ESRRG: variants seen among roughly 807,000 people sequenced by gnomAD.
The protein encoded by ESRRG is estrogen-related receptor gamma.
ESRRG carries 13 observed loss-of-function variants against 44.0 expected under a neutral mutation model. That is an observed-to-expected ratio of 0.30 (90% CI 0.19 to 0.47). ESRRG has a LOEUF of 0.47. ESRRG is among the 20% of genes least tolerant of loss of function. The pLI is 1.00. For synonymous variants in ESRRG, 215 were observed against 214.6 expected (o/e 1.00, Z -0.02); for missense variants, 395 against 580.6 (o/e 0.68, Z 3.29).
At chr1:216,544,286 C>T (rs1055706234) in intron 5 of ESRRG, among the ~76,000 whole-genome samples, 1 of 152,016 alleles carries the variant, frequency 6.6e-6, no homozygotes, top group African/African-American at 2.4e-5. Context: ...AACTCCAAAA[C>T]ATGTTTTAAA....
chr1:216,696,199 C>T (rs2080126717), intron 1 of ESRRG, among the ~76,000 whole-genome samples: 2 of 152,144 alleles, frequency 1.3e-5, no homozygotes, highest in Non-Finnish European at 2.9e-5. Context: ...GTGTTATCTC[C>T]ATTTTACAGA....
At chr1:216,888,389 T>C (rs1168851630) in intron 2 of ESRRG, among the ~76,000 whole-genome samples, 1 of 152,222 alleles carries the variant, frequency 6.6e-6, no homozygotes, top group Non-Finnish European at 1.5e-5. Context: ...GGAATTTCAA[T>C]CTAGGAATAA....
At chr1:216,663,625 A>G (rs1425452647) in intron 2 of ESRRG, among the ~76,000 whole-genome samples, 3 of 130,912 alleles carry the variant, frequency 2.3e-5, no homozygotes, top group Non-Finnish European at 5.3e-5. Flanking sequence ...TTCTCTTTCT[A>G]TCATTCATCA....
rs529961762 is a variant in ESRRG at position 216,787,596 on chromosome 1, C to T, written c.-13-110105G>A. Among the ~76,000 whole-genome samples the T allele has an allele frequency of 7.1e-5, 6 of 85,080 alleles. No homozygotes were observed. The South Asian group carries it at 2.2e-3, about 31-fold the overall frequency. 55.8% of individuals were successfully genotyped at this position (85,080 alleles called of 152,430 possible). ...CAGCCTGGGTGACAGAGCAAGACTC[C>T]ATCAAAAAAAAAAAAAAAAAAAAAA... is the stretch of plus-strand genomic sequence containing the variant. On this transcript the variant is annotated intron_variant, in intron 2 of 7. Coordinates refer to the ESRRG transcript ENST00000359162.
At chr1:216,539,832 C>T (rs760223947) in intron 5 of ESRRG, among the ~76,000 whole-genome samples, 5 of 150,538 alleles carry the variant, frequency 3.3e-5, no homozygotes, top group Admixed American at 1.3e-4. Flanking sequence ...TCACCTTTGA[C>T]GCAAAAAAAA....
intron 2 of ESRRG, among the ~76,000 whole-genome samples, chr1:216,832,376 G>T (rs117620201): frequency 6.6e-6 from 1 of 152,150 alleles, no homozygotes; most frequent in Non-Finnish European, 1.5e-5. Flanking sequence ...TCTTGGCCAG[G>T]TTTCTCCGGT....
At chr1:216,827,392 T>C (rs990438004) in intron 2 of ESRRG, among the ~76,000 whole-genome samples, 6 of 152,216 alleles carry the variant, frequency 3.9e-5, no homozygotes, top group African/African-American at 1.4e-4. Flanking sequence ...GTTTGTCTTC[T>C]GATTTCTAGC....
chr1:216,523,051 C>T (rs2046560193), intron 5 of ESRRG, among the ~76,000 whole-genome samples: 1 of 152,066 alleles, frequency 6.6e-6, no homozygotes, highest in Non-Finnish European at 1.5e-5. Flanking sequence ...ATCCTGGGAC[C>T]TTAATCTTTG....
At chr1:216,779,433 T>A (rs1449923915) in intron 2 of ESRRG, among the ~76,000 whole-genome samples, 4 of 38,014 alleles carry the variant, frequency 1.1e-4, no homozygotes, top group South Asian at 1.1e-3. Context: ...TAAATTTATT[T>A]ATAAAAATAA....
intron 1 of ESRRG, among the ~76,000 whole-genome samples, chr1:217,015,109 T>C (rs12741457): frequency 0.15 from 22,527 of 152,204 alleles, 2,178 homozygotes; most frequent in East Asian, 0.21. Context: ...TCTCTTTTCT[T>C]GACAACAGGT....
At position 216,994,923 on chromosome 1, in the gene ESRRG, G is replaced by A. The variant is rs112819665; in HGVS notation, c.-105-55250C>T. 6.3e-3 allele frequency among the ~76,000 whole-genome samples: 952 copies of A among 152,276 alleles called. 14 individuals are homozygous for A. The highest frequency in any genetic ancestry group is 0.02 in the African/African-American group (845 of 41,570). On this transcript the variant is annotated intron_variant, in intron 1 of 7. Transcript: ENST00000359162. ...TCTAAATTTGCCTACAACCCTCAGT[G>A]ATCCTGCTCTTGCTGTGCAGATTTC...
At chr1:216,767,506 A>G (rs2093143244) in intron 2 of ESRRG, among the ~76,000 whole-genome samples, 1 of 152,126 alleles carries the variant, frequency 6.6e-6, no homozygotes, top group Admixed American at 6.6e-5. Context: ...CTACAGCTCC[A>G]TGATGTCTGT....
At chr1:216,658,645 A>C (rs549539726) in intron 2 of ESRRG, among the ~76,000 whole-genome samples, 1 of 139,750 alleles carries the variant, frequency 7.2e-6, no homozygotes, top group South Asian at 2.4e-4. Context: ...ACATGGCGAA[A>C]CCCCATCTCT....
intron 1 of ESRRG, among the ~76,000 whole-genome samples, chr1:216,964,367 T>A (rs1245024731): frequency 1.3e-5 from 2 of 152,152 alleles, no homozygotes; most frequent in Non-Finnish European, 2.9e-5. Context: ...GTCACAGGTC[T>A]GCTGACAGCA....
chr1:217,051,965 C>A (rs2151249879), intron 1 of ESRRG, among the ~76,000 whole-genome samples: 1 of 151,800 alleles, frequency 6.6e-6, no homozygotes, highest in South Asian at 2.1e-4. Flanking sequence ...GAGACAGGGT[C>A]TTGCTATGTT....
At chr1:217,087,330 A>G (rs1028279713) in intron 1 of ESRRG, among the ~76,000 whole-genome samples, 1 of 152,228 alleles carries the variant, frequency 6.6e-6, no homozygotes, top group Non-Finnish European at 1.5e-5. Flanking sequence ...ATTCACATTC[A>G]GAACTCAAAA....
At chr1:217,012,194 T>C (rs947866417) in intron 1 of ESRRG, among the ~76,000 whole-genome samples, 1 of 152,230 alleles carries the variant, frequency 6.6e-6, no homozygotes, top group Non-Finnish European at 1.5e-5. Flanking sequence ...TCTAGTGGAT[T>C]GCCATTAAAG....
At chr1:216,956,075 G>C (rs2067893831) in intron 1 of ESRRG, among the ~76,000 whole-genome samples, 1 of 151,992 alleles carries the variant, frequency 6.6e-6, no homozygotes, top group South Asian at 2.1e-4. Flanking sequence ...CTTTTTGGTT[G>C]CTGTCTGTGT....
chr1:216,935,445 T>G (rs1369237445), intron 2 of ESRRG, among the ~76,000 whole-genome samples: 2 of 152,108 alleles, frequency 1.3e-5, no homozygotes, highest in African/African-American at 4.8e-5. Flanking sequence ...TAAGGGATAT[T>G]ATAAAGAATA....
Sources: allele counts gnomAD v4.1 joint callset (sites outside exome capture counted in the v4.1 genomes callset), GRCh38; gene constraint gnomAD v4.1.1; transcripts MANE v1.5; gene names NCBI Gene and HGNC (gene_info 2026-07-23, HGNC 2026-07-21).